RGS10: variants seen among roughly 807,000 people sequenced by gnomAD.
RGS10 encodes the protein regulator of G protein signaling 10.
RGS10 carries 11 observed loss-of-function variants against 23.5 expected under a neutral mutation model. The ratio of observed to expected loss-of-function variants is 0.47; its 90% CI spans 0.29 to 0.77. The LOEUF is 0.77. RGS10 is among the 30% of genes least tolerant of loss of function. The pLI is 0.08. For missense variants in RGS10, 180 were observed against 226.3 expected (o/e 0.80, Z 1.31); for synonymous variants, 77 against 83.2 (o/e 0.92, Z 0.41).
chr10:119,513,102 T>C (rs1378868102), intron 4 of RGS10, among the ~76,000 whole-genome samples: 1 of 152,236 alleles, frequency 6.6e-6, no homozygotes, highest in Admixed American at 6.5e-5. Flanking sequence ...TATATTTTTG[T>C]TTCCCAAGTT....
chr10:119,536,582 C>G, intron 1 of RGS10: 1 of 1,427,370 alleles, frequency 7.0e-7, no homozygotes, highest in Non-Finnish European at 9.5e-7. Context: ...CCCTTGGGTC[C>G]GAAGAAAAAA....
rs1240279062 is a variant in RGS10, at chr10:119,527,245, G to C, written c.168+61C>G. The C allele has an allele frequency of 8.2e-7, 1 of 1,217,280 alleles. No homozygotes were observed. The highest frequency in any genetic ancestry group is 1.2e-6 in the Non-Finnish European group (1 of 831,060). The allele number at this position is 1,217,280 out of a possible 1,614,324, so 75.4% of individuals were successfully genotyped here. ...TGTTGAACTGGCCTATTTCTCCCCT[G>C]TGTGCATCTGAACTTCTGCACACAC... is the stretch of plus-strand genomic sequence containing the variant. On this transcript the variant is annotated intron_variant, in intron 2 of 4. Transcript: ENST00000369103. This position sits in a 1 kb window ranked among gnomAD's most constrained non-coding sequence, Gnocchi z 4.2.
chr10:119,500,330 G>A (rs1224213579), intron 4 of RGS10, 71 bp from the exon 5 acceptor site: 1 of 1,369,090 alleles, frequency 7.3e-7, no homozygotes, highest in Non-Finnish European at 9.9e-7. Flanking sequence ...CATCAGATAT[G>A]TATTAATACC....
intron 3 of RGS10, among the ~76,000 whole-genome samples, chr10:119,525,677 T>G (rs989807069): frequency 6.6e-6 from 1 of 152,224 alleles, no homozygotes; most frequent in African/African-American, 2.4e-5. Flanking sequence ...CTTTTATCAT[T>G]ACACATCTGC....
At position 119,542,672 on chromosome 10, in the gene RGS10, C is replaced by T. The variant is rs947837299; in HGVS notation, c.-34G>A. 41 of 1,342,238 alleles carry T rather than the reference C, an allele frequency of 3.1e-5. No homozygotes were observed. The highest frequency in any genetic ancestry group is 3.5e-5 in the Non-Finnish European group (37 of 1,047,404). The allele number at this position is 1,342,238 out of a possible 1,614,324, so 83.1% of individuals were successfully genotyped here. A position where few individuals can be genotyped will look rare whatever the true frequency, so the allele number is the denominator to read the frequency against. On this transcript the variant is annotated 5_prime_UTR_variant, in exon 1 of 5. Transcript: ENST00000369103. Reference sequence around the variant, plus strand: ...GCGCCCGAGGAGGAAGAAGGAGCAGCCCGGCGGCGCGGCGGCTGAGCCGGA... The same window carrying T: ...GCGCCCGAGGAGGAAGAAGGAGCAGTCCGGCGGCGCGGCGGCTGAGCCGGA...
At chr10:119,534,301 A>T (rs1456366573) in intron 1 of RGS10, among the ~76,000 whole-genome samples, 13 of 112,256 alleles carry the variant, frequency 1.2e-4, no homozygotes, top group Non-Finnish European at 2.2e-4. Context: ...ATAAATAAAT[A>T]AATAAAAAAG....
chr10:119,515,858 C>T (rs560797978), intron 3 of RGS10, among the ~76,000 whole-genome samples: 21 of 152,314 alleles, frequency 1.4e-4, no homozygotes, highest in African/African-American at 5.1e-4. Flanking sequence ...CCCCTTCATG[C>T]GCCTGCAGCC....
intron 4 of RGS10, among the ~76,000 whole-genome samples, chr10:119,513,366 G>A (rs1844099343): frequency 6.6e-6 from 1 of 152,104 alleles, no homozygotes; most frequent in Non-Finnish European, 1.5e-5. Context: ...AGGTTGAGGT[G>A]GGAGGATCAC....
chr10:119,514,721 A>G (rs1490041077), intron 4 of RGS10, among the ~76,000 whole-genome samples: 1 of 151,876 alleles, frequency 6.6e-6, no homozygotes, highest in East Asian at 1.9e-4. Context: ...TAGTGTTGTC[A>G]TTACTGAGAA....
intron 3 of RGS10, among the ~76,000 whole-genome samples, chr10:119,525,782 G>A (rs1844266901): frequency 1.3e-5 from 2 of 152,130 alleles, no homozygotes; most frequent in African/African-American, 4.8e-5. Flanking sequence ...TATGCAATGA[G>A]GAACTCTAAG....
intron 1 of RGS10, among the ~76,000 whole-genome samples, chr10:119,536,252 G>A (rs1844385955): frequency 6.6e-6 from 1 of 152,188 alleles, no homozygotes; most frequent in Admixed American, 6.5e-5. Flanking sequence ...GAAAGCTGGT[G>A]GCAGAGGGTT....
At chr10:119,542,533 C>A (rs1030352195) in intron 1 of RGS10, 57 bp downstream of exon 1, 2 of 1,348,446 alleles carry the variant, frequency 1.5e-6, no homozygotes, top group Non-Finnish European at 1.9e-6. Flanking sequence ...GGGCAGGAGG[C>A]CGGGCGGGCG....
At chr10:119,520,501 C>CT (rs1844200226) in intron 3 of RGS10, among the ~76,000 whole-genome samples, 1 of 152,160 alleles carries the variant, frequency 6.6e-6, no homozygotes, top group Admixed American at 6.6e-5. Context: ...TCCCCCGCCA[C>CT]CTTCAACAGA....
intron 4 of RGS10, among the ~76,000 whole-genome samples, chr10:119,510,173 C>T (rs1844061745): frequency 6.6e-6 from 1 of 152,160 alleles, no homozygotes; most frequent in African/African-American, 2.4e-5. Flanking sequence ...GAGGTCCAAG[C>T]CTTACCAGCC....
At chr10:119,520,091 C>T (rs1046308458) in intron 3 of RGS10, among the ~76,000 whole-genome samples, 12 of 152,328 alleles carry the variant, frequency 7.9e-5, no homozygotes, top group East Asian at 1.9e-4. Context: ...TGCTGGCCTC[C>T]GGCTCCTCTC....
chr10:119,540,154 A>G (rs1844423512), intron 1 of RGS10, among the ~76,000 whole-genome samples: 1 of 152,196 alleles, frequency 6.6e-6, no homozygotes, highest in Non-Finnish European at 1.5e-5. Context: ...ACAATTCCAA[A>G]GAAAATCAGG....
chr10:119,526,955 C>T (rs1047775167), intron 2 of RGS10, among the ~76,000 whole-genome samples: 1 of 152,070 alleles, frequency 6.6e-6, no homozygotes, highest in African/African-American at 2.4e-5. Flanking sequence ...CTGAGAATCC[C>T]CCAAGCACGA....
intron 1 of RGS10, among the ~76,000 whole-genome samples, chr10:119,531,824 G>A (rs993549072): frequency 1.3e-5 from 2 of 152,094 alleles, no homozygotes; most frequent in Non-Finnish European, 2.9e-5. Context: ...GAAAACCGAT[G>A]GGCCCTTCCA....
At chr10:119,513,109 A>C (rs140662233) in intron 4 of RGS10, among the ~76,000 whole-genome samples, 6 of 152,276 alleles carry the variant, frequency 3.9e-5, no homozygotes, top group Non-Finnish European at 8.8e-5. Flanking sequence ...TTGTTTCCCA[A>C]GTTTCTTTTG....
Sources: gnomAD v4.1 joint callset for allele counts (sites outside exome capture counted in the v4.1 genomes callset) on GRCh38, gnomAD v4.1.1 for gene constraint, Gnocchi (gnomAD v3.1) non-coding constraint, MANE v1.5 for transcripts, NCBI Gene and HGNC (gene_info 2026-07-23, HGNC 2026-07-21) for gene names.